Variants in KCNIP1 observed in about 807,000 individuals in gnomAD.
KCNIP1 encodes potassium voltage-gated channel interacting protein 1, also known as A-type potassium channel modulatory protein KCNIP1.
KCNIP1 carries 18 observed loss-of-function variants against 33.0 expected under a neutral mutation model. The ratio of observed to expected loss-of-function variants is 0.55; its 90% CI spans 0.38 to 0.81. The LOEUF (loss-of-function observed/expected upper bound fraction) is 0.81, where lower values mean the gene tolerates loss of function less well. KCNIP1 is among the 30% of genes least tolerant of loss of function. The pLI, the probability that KCNIP1 is intolerant of heterozygous loss-of-function variation, is 0.00. For missense variants in KCNIP1, 238 were observed against 271.6 expected, an observed-to-expected ratio of 0.88 and a Z score of 0.87; for synonymous variants, 93 against 98.3, an observed-to-expected ratio of 0.95 and a Z score of 0.32.
intron 1 of KCNIP1, among the ~76,000 whole-genome samples, chr5:170,575,899 G>A (rs149219043): frequency 6.6e-6 from 1 of 152,310 alleles, no homozygotes; most frequent in Non-Finnish European, 1.5e-5. Flanking sequence ...GTTTAACCCA[G>A]GCACTGAAGA....
At chr5:170,509,939 G>A (rs755424292) in intron 1 of KCNIP1, among the ~76,000 whole-genome samples, 2 of 152,138 alleles carry the variant, frequency 1.3e-5, no homozygotes, top group African/African-American at 2.4e-5. Context: ...TTTCAGGTTC[G>A]TTCACCCTTG....
At position 170,362,308 on chromosome 5, in the gene KCNIP1, C is replaced by A. The variant is rs372942047; in HGVS notation, c.88+8344C>A. On this transcript the variant is annotated intron_variant, in intron 1 of 7. Coordinates refer to the KCNIP1 transcript ENST00000377360. ...GGTTTTACTTCCCTCCCCAGCCCAT[C>A]CCCAGTACACTCTTTCCATTTCTGA... Among the ~76,000 whole-genome samples, 43 of 152,184 alleles carry A rather than the reference C, an allele frequency of 2.8e-4. 1 individual carries two copies. Among genetic ancestry groups the A allele is most frequent in the African/African-American group, 9.9e-4 (41 of 41,536 alleles).
rs1404358357 is a variant in KCNIP1 at position 170,679,209 on chromosome 5, A to T, written c.62-39549A>T. ...AGCATTTCTGTGGTGTCAACACCCTACCATGGCTGATTTCAAGCTGACAAA... is the reference window on the plus strand; with the variant it reads ...AGCATTTCTGTGGTGTCAACACCCTTCCATGGCTGATTTCAAGCTGACAAA... On this transcript the variant is annotated intron_variant, in intron 1 of 7. Transcript: ENST00000328939. 3 of 152,364 alleles carry T rather than the reference A, an allele frequency of 2.0e-5. No homozygotes were observed. In the East Asian group the frequency reaches 5.8e-4, roughly 29 times the overall value. 9.4% of individuals were successfully genotyped at this position (152,364 alleles called of 1,614,324 possible). A position where few individuals can be genotyped will look rare whatever the true frequency, so the allele number is the denominator to read the frequency against.
chr5:170,689,418 GAT>G (rs1762648139), intron 1 of KCNIP1, among the ~76,000 whole-genome samples: 1 of 152,148 alleles, frequency 6.6e-6, no homozygotes, highest in Admixed American at 6.5e-5. Flanking sequence ...TTATGAGGAA[GAT>G]ACTACTATAG....
chr5:170,417,743 A>G (rs1755368371), intron 1 of KCNIP1, among the ~76,000 whole-genome samples: 1 of 152,184 alleles, frequency 6.6e-6, no homozygotes, highest in South Asian at 2.1e-4. Flanking sequence ...TCATGAGTCA[A>G]ATCACCTGAA....
chr5:170,661,779 G>A (rs1285283043), intron 1 of KCNIP1, among the ~76,000 whole-genome samples: 2 of 152,078 alleles, frequency 1.3e-5, no homozygotes, highest in African/African-American at 2.4e-5. Flanking sequence ...TTTTTGAACC[G>A]GCAAATATAT....
intron 1 of KCNIP1, among the ~76,000 whole-genome samples, chr5:170,586,430 T>C (rs75028692): frequency 0.087 from 13,175 of 152,272 alleles, 641 homozygotes; most frequent in South Asian, 0.12. Flanking sequence ...AAAGCCCTCA[T>C]GGGTCTTAGA....
intron 1 of KCNIP1, chr5:170,680,885 G>A (rs1762318894): frequency 2.5e-6 from 1 of 394,928 alleles, no homozygotes; most frequent in Non-Finnish European, 4.5e-6. Flanking sequence ...TTACCAGGTA[G>A]GAGGAGGAGA....
chr5:170,384,262 C>T (rs902047460), intron 1 of KCNIP1, among the ~76,000 whole-genome samples: 2 of 152,146 alleles, frequency 1.3e-5, no homozygotes, highest in African/African-American at 2.4e-5. Flanking sequence ...TTATCCATAT[C>T]GTCTTCATTT....
intron 1 of KCNIP1, among the ~76,000 whole-genome samples, chr5:170,586,152 GTT>G (rs999539932): frequency 6.6e-6 from 1 of 152,204 alleles, no homozygotes; most frequent in Non-Finnish European, 1.5e-5. Flanking sequence ...AGTGTAAAGA[GTT>G]TGTCCCCATG....
At chr5:170,441,326 A>G (rs918119668) in intron 1 of KCNIP1, among the ~76,000 whole-genome samples, 2 of 152,118 alleles carry the variant, frequency 1.3e-5, no homozygotes, top group African/African-American at 2.4e-5. Context: ...TGTGATTCAG[A>G]TAACAGGGCT....
At chr5:170,674,058 TG>T (rs1378034006) in intron 1 of KCNIP1, among the ~76,000 whole-genome samples, 2 of 151,404 alleles carry the variant, frequency 1.3e-5, no homozygotes, top group African/African-American at 4.9e-5. Context: ...TTCATTGTGA[TG>T]GGGGCTGTTC....
At chr5:170,523,938 G>A (rs1198652719) in intron 1 of KCNIP1, among the ~76,000 whole-genome samples, 1 of 152,102 alleles carries the variant, frequency 6.6e-6, no homozygotes, top group Non-Finnish European at 1.5e-5. Flanking sequence ...TGCACCATCC[G>A]AAGCCAGGTC....
intron 1 of KCNIP1, among the ~76,000 whole-genome samples, chr5:170,419,293 T>C (rs115062982): frequency 0.022 from 3,277 of 152,212 alleles, 56 homozygotes; most frequent in East Asian, 0.069. Context: ...AGGACCCCGA[T>C]GCCATCAGCA....
chr5:170,551,867 AGTGT>A (rs35691232), intron 1 of KCNIP1, among the ~76,000 whole-genome samples: 4 of 149,078 alleles, frequency 2.7e-5, no homozygotes, highest in South Asian at 2.1e-4. Flanking sequence ...TGTGTGTTTG[AGTGT>A]GTGTGTGTAT....
At chr5:170,651,085 G>A (rs1302205794) in intron 1 of KCNIP1, among the ~76,000 whole-genome samples, 5 of 152,186 alleles carry the variant, frequency 3.3e-5, no homozygotes, top group Admixed American at 1.3e-4. Context: ...TGCCTCTGAA[G>A]GGCAGAGGGC....
At chr5:170,396,878 G>A (rs980663890) in intron 1 of KCNIP1, among the ~76,000 whole-genome samples, 3 of 152,170 alleles carry the variant, frequency 2.0e-5, no homozygotes, top group South Asian at 2.1e-4. Context: ...GGGAAGGGGA[G>A]TCTCTGCAGA....
intron 1 of KCNIP1, among the ~76,000 whole-genome samples, chr5:170,355,056 G>A (rs974624746): frequency 3.9e-5 from 6 of 152,228 alleles, no homozygotes; most frequent in Non-Finnish European, 7.3e-5. Context: ...GCCACCCAGC[G>A]GGTCTGGCCC....
intron 1 of KCNIP1, among the ~76,000 whole-genome samples, chr5:170,411,782 G>C (rs571604797): frequency 6.6e-6 from 1 of 152,280 alleles, no homozygotes; most frequent in East Asian, 1.9e-4. Context: ...ATGAAACACA[G>C]ATTTATTTAG....
Sources: gnomAD v4.1 joint callset for allele counts (sites outside exome capture counted in the v4.1 genomes callset) on GRCh38, gnomAD v4.1.1 for gene constraint, MANE v1.5 for transcripts, NCBI Gene and HGNC (gene_info 2026-07-23, HGNC 2026-07-21) for gene names.